CDH12: variants seen among roughly 807,000 people sequenced by gnomAD.
CDH12 encodes cadherin 12, also known as cadherin-12.
Under a neutral mutation model 74.1 loss-of-function variants are expected in CDH12, and 41 were observed. That is an observed-to-expected ratio of 0.55 (90% CI 0.43 to 0.72). The LOEUF (loss-of-function observed/expected upper bound fraction) is 0.72, where lower values mean the gene tolerates loss of function less well. Ranked by LOEUF, CDH12 falls within the 30% of genes least tolerant of loss-of-function variation. The probability of loss-of-function intolerance (pLI) is 0.00; values close to 1 mark genes in which losing one functional copy is unlikely to be tolerated. For missense variants in CDH12, 945 were observed against 977.2 expected (o/e 0.97, Z 0.44); for synonymous variants, 399 against 355.0 (o/e 1.12, Z -1.39).
intron 6 of CDH12, among the ~76,000 whole-genome samples, chr5:21,861,353 A>G (rs1382770464): frequency 6.6e-6 from 1 of 152,008 alleles, no homozygotes; most frequent in Non-Finnish European, 1.5e-5. Flanking sequence ...CTTGCACACA[A>G]TTTATACTTA....
chr5:21,773,616 A>G (rs887845469), intron 11 of CDH12, among the ~76,000 whole-genome samples: 1 of 152,120 alleles, frequency 6.6e-6, no homozygotes, highest in Non-Finnish European at 1.5e-5. Flanking sequence ...TGAGACTTGC[A>G]CTGGCTTCCT....
At chr5:22,143,432 C>T (rs906928493) in intron 4 of CDH12, 14 of 147,936 alleles carry the variant, frequency 9.5e-5, no homozygotes, top group South Asian at 2.1e-4. Flanking sequence ...TGCAATGGCA[C>T]GATCTCGGCT....
At chr5:22,218,916 C>A (rs1467880309) in intron 3 of CDH12, among the ~76,000 whole-genome samples, 2 of 151,660 alleles carry the variant, frequency 1.3e-5, no homozygotes, top group Admixed American at 1.3e-4. Flanking sequence ...CTTTATATTT[C>A]TAACCGTTTC....
chr5:21,826,506 C>T (rs1175525277), intron 8 of CDH12, among the ~76,000 whole-genome samples: 1 of 152,114 alleles, frequency 6.6e-6, no homozygotes, highest in African/African-American at 2.4e-5. Context: ...TACTTCTTTT[C>T]TGTTACTGCA....
intron 3 of CDH12, among the ~76,000 whole-genome samples, chr5:22,381,457 C>T (rs1283439309): frequency 1.3e-5 from 2 of 151,918 alleles, no homozygotes; most frequent in Non-Finnish European, 2.9e-5. Flanking sequence ...CATTTAATGG[C>T]CTTTTCCAAT....
At chr5:22,506,687 C>CAT (rs778820276) in intron 1 of CDH12, among the ~76,000 whole-genome samples, 1 of 151,926 alleles carries the variant, frequency 6.6e-6, no homozygotes, top group Non-Finnish European at 1.5e-5. Flanking sequence ...GGTTCCTTGC[C>CAT]ACTGGGGTGC....
intron 1 of CDH12, among the ~76,000 whole-genome samples, chr5:22,511,648 T>C (rs1736614178): frequency 6.6e-6 from 1 of 152,208 alleles, no homozygotes; most frequent in Admixed American, 6.5e-5. Flanking sequence ...GTAATCCACA[T>C]GGACACAACT....
chr5:21,957,863 G>T (rs1285226019), intron 6 of CDH12, among the ~76,000 whole-genome samples: 2 of 151,972 alleles, frequency 1.3e-5, no homozygotes, highest in African/African-American at 2.4e-5. Flanking sequence ...CATTCTGTAG[G>T]TTGTCTGTTT....
intron 5 of CDH12, among the ~76,000 whole-genome samples, chr5:22,029,756 T>C (rs1580137892): frequency 1.3e-5 from 2 of 151,936 alleles, no homozygotes; most frequent in East Asian, 3.9e-4. Flanking sequence ...AGCCATCCCA[T>C]TACTGGGTAT....
At chr5:22,277,069 C>T (rs551695938) in intron 3 of CDH12, among the ~76,000 whole-genome samples, 1 of 152,314 alleles carries the variant, frequency 6.6e-6, no homozygotes, top group Admixed American at 6.5e-5. Flanking sequence ...TATAATCTTA[C>T]TCAAGACCCT....
At chr5:22,211,668 T>A (rs1751550719) in intron 4 of CDH12, among the ~76,000 whole-genome samples, 1 of 151,862 alleles carries the variant, frequency 6.6e-6, no homozygotes, top group African/African-American at 2.4e-5. Flanking sequence ...TATGGAATGG[T>A]TTAATCTGAA....
intron 5 of CDH12, among the ~76,000 whole-genome samples, chr5:22,003,474 T>C (rs961704339): frequency 3.3e-5 from 5 of 152,236 alleles, no homozygotes; most frequent in Admixed American, 6.5e-5. Flanking sequence ...GATTCTATCA[T>C]ATGAAGAAAG....
rs567509871 is a variant in CDH12 at position 21,832,923 on chromosome 5, T to TA, written c.814+9237dup. 4.1e-3 allele frequency among the ~76,000 whole-genome samples: 271 copies of TA among 66,826 alleles called. 4 individuals carry two copies. Among genetic ancestry groups the TA allele is most frequent in the African/African-American group, 0.028 (248 of 8,780 alleles). 43.8% of individuals were successfully genotyped at this position (66,826 alleles called of 152,430 possible). A position where few individuals can be genotyped will look rare whatever the true frequency, so the allele number is the denominator to read the frequency against. On this transcript the variant is annotated intron_variant, in intron 8 of 14. Coordinates refer to ENST00000382254, the MANE Select transcript of CDH12 (RefSeq NM_004061.5). ...TATAATATATGATATAATATTAATA[T>TA]ATATCATATATTATATATAATATCA... is the stretch of plus-strand genomic sequence containing the variant.
chr5:22,153,904 A>G (rs1747812999), intron 4 of CDH12, among the ~76,000 whole-genome samples: 3 of 22,624 alleles, frequency 1.3e-4, no homozygotes, highest in South Asian at 1.5e-3. Context: ...ATATATATAT[A>G]CACACACATA....
intron 6 of CDH12, among the ~76,000 whole-genome samples, chr5:21,910,676 C>CTTT (rs5866529): frequency 2.7e-5 from 4 of 146,460 alleles, no homozygotes; most frequent in African/African-American, 7.5e-5. Context: ...TAGGATTTAT[C>CTTT]TTTTTTTTTT....
At chr5:22,059,241 G>A (rs550828801) in intron 5 of CDH12, among the ~76,000 whole-genome samples, 1 of 147,198 alleles carries the variant, frequency 6.8e-6, no homozygotes, top group South Asian at 2.2e-4. Context: ...TCAAAGTTCA[G>A]TTTTCCTTGT....
At chr5:22,315,457 T>C (rs1383255690) in intron 3 of CDH12, among the ~76,000 whole-genome samples, 3 of 152,048 alleles carry the variant, frequency 2.0e-5, no homozygotes, top group Admixed American at 6.6e-5. Flanking sequence ...GGAGCTTATA[T>C]AGATTGGAAG....
intron 6 of CDH12, among the ~76,000 whole-genome samples, chr5:21,968,906 C>T (rs571451136): frequency 4.0e-4 from 61 of 151,692 alleles, no homozygotes; most frequent in African/African-American, 1.4e-3. Flanking sequence ...CGTGTTGTCT[C>T]TTATAAGTGG....
chr5:22,248,099 C>G (rs1414011032), intron 3 of CDH12, among the ~76,000 whole-genome samples: 1 of 152,084 alleles, frequency 6.6e-6, no homozygotes, highest in Non-Finnish European at 1.5e-5. Flanking sequence ...GAGTTCGAAA[C>G]CAGCCTGGCC....
Sources: gnomAD v4.1 joint callset for allele counts (sites outside exome capture counted in the v4.1 genomes callset) on GRCh38, gnomAD v4.1.1 for gene constraint, MANE v1.5 for transcripts, NCBI Gene and HGNC (gene_info 2026-07-23, HGNC 2026-07-21) for gene names.